Variants in CAMKMT observed in about 807,000 individuals in gnomAD.
CAMKMT encodes calmodulin-lysine N-methyltransferase, also known as CaM KMT.
CAMKMT carries 53 observed loss-of-function variants against 48.0 expected under a neutral mutation model. The ratio of observed to expected loss-of-function variants is 1.10; its 90% CI spans 0.89 to 1.39. The LOEUF is 1.39. Among genes scored for constraint, CAMKMT ranks in the 40% most tolerant of loss-of-function variants. CAMKMT has a pLI of 0.00. For synonymous variants in CAMKMT, 165 were observed against 152.3 expected, an observed-to-expected ratio of 1.08 and a Z score of -0.61; for missense variants, 428 against 402.7, an observed-to-expected ratio of 1.06 and a Z score of -0.54.
chr2:44,448,382 C>G (rs1189330397), intron 3 of CAMKMT, among the ~76,000 whole-genome samples: 1 of 152,212 alleles, frequency 6.6e-6, no homozygotes, highest in East Asian at 1.9e-4. Flanking sequence ...CTTTACCTGT[C>G]CACTTCCCTA....
At chr2:44,649,747 C>G (rs1673952929) in intron 3 of CAMKMT, among the ~76,000 whole-genome samples, 2 of 152,178 alleles carry the variant, frequency 1.3e-5, no homozygotes, top group African/African-American at 2.4e-5. Context: ...ATAGAACAAA[C>G]TCACCCATTC....
intron 10 of CAMKMT, among the ~76,000 whole-genome samples, chr2:44,768,917 A>C (rs1311682036): frequency 6.6e-6 from 1 of 152,180 alleles, no homozygotes; most frequent in Non-Finnish European, 1.5e-5. Flanking sequence ...AACCAGCTGG[A>C]GGACTGTAAG....
intron 3 of CAMKMT, among the ~76,000 whole-genome samples, chr2:44,591,751 G>C (rs1365506786): frequency 6.6e-6 from 1 of 151,788 alleles, no homozygotes; most frequent in Admixed American, 6.6e-5. Flanking sequence ...CTGCTATAAA[G>C]ACACATGCAC....
At chr2:44,510,678 T>C (rs1182794474) in intron 3 of CAMKMT, among the ~76,000 whole-genome samples, 1 of 152,224 alleles carries the variant, frequency 6.6e-6, no homozygotes, top group Non-Finnish European at 1.5e-5. Context: ...TTCAATAGTT[T>C]TCGGGGTACA....
intron 6 of CAMKMT, 115 bp downstream of exon 6, chr2:44,707,577 C>A: frequency 2.7e-6 from 2 of 744,680 alleles, no homozygotes; most frequent in Non-Finnish European, 4.3e-6. Context: ...TTCCCCCCTA[C>A]ATACATGATA....
intron 3 of CAMKMT, among the ~76,000 whole-genome samples, chr2:44,429,222 A>C (rs1321450126): frequency 6.6e-6 from 1 of 151,018 alleles, no homozygotes. Flanking sequence ...GCAATGTGGA[A>C]TGTGTTTGCT....
intron 3 of CAMKMT, among the ~76,000 whole-genome samples, chr2:44,396,820 G>A (rs1324240366): frequency 1.3e-5 from 2 of 151,768 alleles, no homozygotes; most frequent in East Asian, 3.8e-4. Context: ...CAGCACTTTG[G>A]GAAGCCAAGG....
At chr2:44,610,245 A>G (rs1404213699) in intron 3 of CAMKMT, among the ~76,000 whole-genome samples, 1 of 152,204 alleles carries the variant, frequency 6.6e-6, no homozygotes, top group African/African-American at 2.4e-5. Flanking sequence ...ATGAGAGCTT[A>G]TAGTCTATTA....
intron 7 of CAMKMT, among the ~76,000 whole-genome samples, chr2:44,731,113 G>A (rs1176480729): frequency 6.6e-6 from 1 of 152,220 alleles, no homozygotes; most frequent in Non-Finnish European, 1.5e-5. Context: ...GGCTGAAGCG[G>A]GTGGATCACT....
At chr2:44,526,792 A>G (rs2104814264) in intron 3 of CAMKMT, among the ~76,000 whole-genome samples, 1 of 152,260 alleles carries the variant, frequency 6.6e-6, no homozygotes, top group South Asian at 2.1e-4. Context: ...GTATTTTATC[A>G]GCTATCTGGG....
intron 3 of CAMKMT, among the ~76,000 whole-genome samples, chr2:44,508,143 G>T (rs1670355521): frequency 6.6e-6 from 1 of 152,192 alleles, no homozygotes; most frequent in South Asian, 2.1e-4. Context: ...ACTGGCATAG[G>T]TAGACCCTGT....
At chr2:44,457,651 C>T (rs1250058427) in intron 3 of CAMKMT, among the ~76,000 whole-genome samples, 1 of 152,138 alleles carries the variant, frequency 6.6e-6, no homozygotes, top group South Asian at 2.1e-4. Context: ...CCCGCCTTGG[C>T]CTCCCAAAAG....
intron 3 of CAMKMT, among the ~76,000 whole-genome samples, chr2:44,686,390 C>CT (rs1676337307): frequency 1.6e-5 from 2 of 121,790 alleles, no homozygotes; most frequent in Admixed American, 8.4e-5. Flanking sequence ...GAGACTCTGC[C>CT]TCAAAAAAAA....
intron 9 of CAMKMT, among the ~76,000 whole-genome samples, chr2:44,761,674 C>T (rs1680623072): frequency 6.6e-6 from 1 of 152,150 alleles, no homozygotes; most frequent in Non-Finnish European, 1.5e-5. Flanking sequence ...GGATGTGGCA[C>T]TGAGAGGTCT....
Position 44,618,241 on chromosome 2 carries a change from T to C in CAMKMT, c.377-86042T>C, listed in dbSNP as rs1224748916. Among the ~76,000 whole-genome samples the C allele has an allele frequency of 6.6e-6, 1 of 152,180 alleles. No individual in the cohort carries two copies. The highest frequency in any genetic ancestry group is 1.5e-5 in the Non-Finnish European group (1 of 68,030). On this transcript the variant is annotated intron_variant, in intron 3 of 10. Coordinates refer to ENST00000378494, the MANE Select transcript of CAMKMT (RefSeq NM_024766.5). The surrounding 1 kb of genome is among the most constrained non-coding windows in gnomAD (Gnocchi z 4.0). ...TCAGATTATTGAGTGACAAACTTTA[T>C]TGAATTTGACTTAACAGAAGTCAGA...
intron 3 of CAMKMT, among the ~76,000 whole-genome samples, chr2:44,541,702 T>A (rs2103616479): frequency 6.7e-6 from 1 of 149,586 alleles, no homozygotes; most frequent in South Asian, 2.2e-4. Context: ...TCCCAGGAGG[T>A]TGAGGCTGCA....
intron 3 of CAMKMT, among the ~76,000 whole-genome samples, chr2:44,461,920 C>T (rs1354188546): frequency 1.3e-5 from 2 of 152,164 alleles, no homozygotes; most frequent in East Asian, 3.8e-4. Flanking sequence ...TGGATCACAT[C>T]ACATCGAGCT....
At chr2:44,700,659 A>G (rs1677205856) in intron 3 of CAMKMT, among the ~76,000 whole-genome samples, 1 of 152,192 alleles carries the variant, frequency 6.6e-6, no homozygotes, top group Non-Finnish European at 1.5e-5. Context: ...GACGCAATTC[A>G]TGCCGCCCCA....
At chr2:44,675,962 A>ATGTCCCCCAAGGTTCATCCATGT (rs1675665217) in intron 3 of CAMKMT, among the ~76,000 whole-genome samples, 1 of 152,164 alleles carries the variant, frequency 6.6e-6, no homozygotes, top group African/African-American at 2.4e-5. Context: ...ACTTAGCATG[A>ATGTCCCCCAAGGTTCATCCATGT]TGTCCCCCAA....
Sources: gnomAD v4.1 joint callset for allele counts (sites outside exome capture counted in the v4.1 genomes callset) on GRCh38, gnomAD v4.1.1 for gene constraint, Gnocchi (gnomAD v3.1) non-coding constraint, MANE v1.5 for transcripts, NCBI Gene and HGNC (gene_info 2026-07-23, HGNC 2026-07-21) for gene names.